METTL16: variants seen among roughly 807,000 people sequenced by gnomAD.
The protein encoded by METTL16 is methyltransferase 16, RNA N6-adenosine.
Under a neutral mutation model 57.9 loss-of-function variants are expected in METTL16, and 19 were observed. The ratio of observed to expected loss-of-function variants is 0.33; its 90% CI spans 0.23 to 0.48. METTL16 has a LOEUF of 0.48. Ranked by LOEUF, METTL16 falls within the 20% of genes least tolerant of loss-of-function variation. METTL16 has a pLI of 0.99. For synonymous variants in METTL16, 246 were observed against 255.6 expected (o/e 0.96, Z 0.36); for missense variants, 434 against 691.5 (o/e 0.63, Z 4.18).
At chr17:2,448,808 A>ATT (rs1567890028) in intron 6 of METTL16, among the ~76,000 whole-genome samples, 8 of 124,586 alleles carry the variant, frequency 6.4e-5, no homozygotes, top group African/African-American at 3.4e-4. Flanking sequence ...AATTTAAAAA[A>ATT]AAAAAAAAAA....
At chr17:2,451,564 T>C (rs1026816215) in intron 6 of METTL16, among the ~76,000 whole-genome samples, 11 of 150,420 alleles carry the variant, frequency 7.3e-5, no homozygotes, top group African/African-American at 2.7e-4. Context: ...GAGGTTGCAG[T>C]GAGCTGAGAT....
Position 2,438,144 on chromosome 17 carries a change from A to C in METTL16, c.853T>G (p.Leu285Val). 1 of 1,613,874 alleles carries C rather than the reference A, an allele frequency of 6.2e-7. No homozygotes were observed. Among genetic ancestry groups the C allele is most frequent in the Non-Finnish European group, 8.5e-7 (1 of 1,179,806 alleles). ...ACATCATCATAAAAACTCCAAGCTA[A>C]GGCCCATCTCATTGTCCGACCTTGA... ...FCQGRTMRWA[L>V]AWSFYDDVTV... Residue 285 changes from leucine (L) to valine (V), a missense_variant, in exon 8 of 10, where the codon TTA becomes GTA. Leu to Val is a conservative substitution (Grantham distance 32). Transcript: ENST00000263092.
chr17:2,492,854 C>T (rs1317285944), intron 2 of METTL16, among the ~76,000 whole-genome samples: 10 of 147,066 alleles, frequency 6.8e-5, no homozygotes, highest in East Asian at 6.0e-4. Context: ...GCCAAGAACA[C>T]GCCACTGCAC....
chr17:2,421,738 G>A (rs1051784188), intron 8 of METTL16, among the ~76,000 whole-genome samples: 1 of 152,194 alleles, frequency 6.6e-6, no homozygotes, highest in African/African-American at 2.4e-5. Context: ...AAAGCAGCCG[G>A]TGAACCACAG....
At chr17:2,453,337 T>C (rs956349319) in intron 6 of METTL16, among the ~76,000 whole-genome samples, 1 of 152,210 alleles carries the variant, frequency 6.6e-6, no homozygotes, top group African/African-American at 2.4e-5. Context: ...TTGTCATGTC[T>C]CTTTAGCCTC....
chr17:2,419,560 G>A lies in METTL16; in HGVS notation c.*410C>T. ...ACCAGGGCCTCCAGCTGGAGGCAGA[G>A]AGAGCCACCCCTCCTCAAGAAACAC... is the stretch of plus-strand genomic sequence containing the variant. On this transcript the variant is annotated 3_prime_UTR_variant, in exon 10 of 10. Transcript: ENST00000263092. 1 of 458,714 alleles carries A rather than the reference G, an allele frequency of 2.2e-6. No individual in the cohort carries two copies. Among genetic ancestry groups the A allele is most frequent in the Non-Finnish European group, 4.4e-6 (1 of 229,580 alleles). 28.4% of individuals were successfully genotyped at this position (458,714 alleles called of 1,614,324 possible). A position where few individuals can be genotyped will look rare whatever the true frequency, so the allele number is the denominator to read the frequency against.
Position 2,417,240 on chromosome 17 carries a change from T to A in METTL16, c.*2730A>T, listed in dbSNP as rs538327044. 6.6e-6 allele frequency: 1 copy of A among 152,316 alleles called. No individual in the cohort carries two copies. Among genetic ancestry groups the A allele is most frequent in the Non-Finnish European group, 1.5e-5 (1 of 68,138 alleles). 9.4% of individuals were successfully genotyped at this position (152,316 alleles called of 1,614,324 possible). A position where few individuals can be genotyped will look rare whatever the true frequency, so the allele number is the denominator to read the frequency against. ...TATCATGCCCGGCTAATTTTTGTAT[T>A]TTGAGTAGAGACGGGGTTTCGCCAT... On this transcript the variant is annotated 3_prime_UTR_variant, in exon 10 of 10. Transcript: ENST00000263092.
At chr17:2,439,503 G>A (rs948940557) in intron 7 of METTL16, among the ~76,000 whole-genome samples, 16 of 152,142 alleles carry the variant, frequency 1.1e-4, no homozygotes, top group East Asian at 3.9e-4. Context: ...ACAGGGGACC[G>A]AGACCGTGTG....
intron 2 of METTL16, among the ~76,000 whole-genome samples, chr17:2,484,965 A>G (rs987326521): frequency 5.9e-5 from 9 of 152,198 alleles, no homozygotes; most frequent in African/African-American, 2.2e-4. Flanking sequence ...TTCACAGGCT[A>G]ATGGGCCGCA....
intron 8 of METTL16, among the ~76,000 whole-genome samples, chr17:2,425,164 A>G (rs909543395): frequency 6.6e-6 from 1 of 152,146 alleles, no homozygotes; most frequent in Admixed American, 6.5e-5. Flanking sequence ...GGTCGTAGGC[A>G]ATTTTTACAT....
chr17:2,487,003 CA>C (rs11397318), intron 2 of METTL16, among the ~76,000 whole-genome samples: 1,516 of 57,352 alleles, frequency 0.026, 7 homozygotes, highest in African/African-American at 0.11. Flanking sequence ...GATCCTGTCT[CA>C]AAAAAAAAAA....
chr17:2,445,402 T>C (rs79355535), intron 6 of METTL16, among the ~76,000 whole-genome samples: 2,265 of 152,226 alleles, frequency 0.015, 22 homozygotes, highest in Non-Finnish European at 0.025. Context: ...CCCCCCTCAT[T>C]AAGCAACACA....
intron 2 of METTL16, among the ~76,000 whole-genome samples, chr17:2,489,806 TA>T (rs2067372475): frequency 6.7e-6 from 1 of 150,366 alleles, no homozygotes; most frequent in African/African-American, 2.4e-5. Flanking sequence ...CAGTGAAGCT[TA>T]AAAAGAAAGA....
chr17:2,509,339 T>C (rs1042155168), intron 1 of METTL16, among the ~76,000 whole-genome samples: 15 of 152,220 alleles, frequency 9.9e-5, no homozygotes, highest in Admixed American at 9.8e-4. Flanking sequence ...AATGACTATA[T>C]ACCTGTCTTA....
At chr17:2,504,780 C>T (rs1191601918) in intron 1 of METTL16, among the ~76,000 whole-genome samples, 1 of 152,062 alleles carries the variant, frequency 6.6e-6, no homozygotes, top group East Asian at 1.9e-4. Flanking sequence ...CTTTGTTGCC[C>T]AGATTGGTTT....
intron 1 of METTL16, among the ~76,000 whole-genome samples, chr17:2,504,495 A>C (rs2151580882): frequency 6.6e-6 from 1 of 152,294 alleles, no homozygotes; most frequent in East Asian, 1.9e-4. Flanking sequence ...GACAGAACAC[A>C]GTCTGTATAT....
chr17:2,425,946 C>A (rs1010498505), intron 8 of METTL16, among the ~76,000 whole-genome samples: 3 of 151,438 alleles, frequency 2.0e-5, no homozygotes, highest in South Asian at 4.2e-4. Context: ...CTCAATGATG[C>A]CATCAGCCAA....
intron 6 of METTL16, 127 bp downstream of exon 6, chr17:2,464,081 C>A: frequency 1.0e-6 from 1 of 956,324 alleles, no homozygotes. Flanking sequence ...TGAGATCACG[C>A]CACTGCACTC....
In METTL16 at chr17:2,491,829, C is replaced by T. The variant is rs565604400; in HGVS notation, c.128+10375G>A. Among the ~76,000 whole-genome samples the T allele has an allele frequency of 5.7e-3, 677 of 118,226 alleles. 2 individuals are homozygous for T. Among genetic ancestry groups the T allele is most frequent in the Middle Eastern group, 0.044 (7 of 160 alleles). The allele number at this position is 118,226 out of a possible 152,430, so 77.6% of individuals were successfully genotyped here. On this transcript the variant is annotated intron_variant, in intron 2 of 9. Coordinates refer to ENST00000263092, the MANE Select transcript of METTL16 (RefSeq NM_024086.4). ...GGCAGAGCTTGCAGTGAGCCGAGAT[C>T]GCGCCACTGCACTCCAGCCTGGGCG...
Sources: gnomAD v4.1 joint callset for allele counts (sites outside exome capture counted in the v4.1 genomes callset) on GRCh38, gnomAD v4.1.1 for gene constraint, MANE v1.5 for transcripts, NCBI Gene and HGNC (gene_info 2026-07-23, HGNC 2026-07-21) for gene names.